The following CAST variants were observed in gnomAD, a reference collection of about 807,000 sequenced individuals.
CAST encodes MIR583 host.
A neutral mutation model predicts 119.6 loss-of-function variants in CAST; 76 were observed. That is an observed-to-expected ratio of 0.64 (90% CI 0.53 to 0.77). The LOEUF is 0.77. Among genes scored for constraint, CAST ranks in the 30% least tolerant of loss-of-function variants. The pLI is 0.00. For synonymous variants in CAST, 319 were observed against 331.6 expected, an observed-to-expected ratio of 0.96 and a Z score of 0.41; for missense variants, 953 against 946.5, an observed-to-expected ratio of 1.01 and a Z score of -0.09.
At chr5:96,053,016 T>C in the CAST span, among the ~76,000 whole-genome samples, 1 of 152,050 alleles carries the variant, frequency 6.6e-6, no homozygotes, top group African/African-American at 2.4e-5. Flanking sequence ...AGTCCTGCAG[T>C]TGGAAGGTGA....
intron 1 of CAST, among the ~76,000 whole-genome samples, chr5:96,599,983 A>AAAAAAAAT (rs6149126): frequency 6.7e-6 from 1 of 149,832 alleles, no homozygotes; most frequent in East Asian, 1.9e-4. Context: ...AAAAAAAAAA[A>AAAAAAAAT]CCCTCAAGCT....
chr5:96,732,479 T>A (rs1760758733), intron 9 of CAST, among the ~76,000 whole-genome samples: 1 of 131,542 alleles, frequency 7.6e-6, no homozygotes, highest in Admixed American at 8.2e-5. Context: ...TGGTAGTTTC[T>A]TTTGCTGTGC....
At chr5:96,701,786 C>T (rs1753928215) in intron 3 of CAST, among the ~76,000 whole-genome samples, 1 of 145,554 alleles carries the variant, frequency 6.9e-6, no homozygotes, top group Non-Finnish European at 1.5e-5. Context: ...GCCTGGGCCA[C>T]ATAGCGAGAA....
the CAST span, among the ~76,000 whole-genome samples, chr5:96,113,749 G>T: frequency 6.6e-6 from 1 of 152,216 alleles, no homozygotes; most frequent in African/African-American, 2.4e-5. Flanking sequence ...CTGCACAGGA[G>T]ACCAGAGAGC....
chr5:96,433,188 C>T, the CAST span: 14 of 775,172 alleles, frequency 1.8e-5, no homozygotes, highest in East Asian at 3.4e-4. Context: ...CTAGGAGGCG[C>T]GAGAGGAGAG....
the CAST span, chr5:96,213,220 A>G: frequency 6.6e-6 from 1 of 152,276 alleles, no homozygotes; most frequent in East Asian, 1.9e-4. Context: ...ATATTAATAT[A>G]ACTATTCCCA....
chr5:96,405,576 C>T, the CAST span, among the ~76,000 whole-genome samples: 2 of 152,128 alleles, frequency 1.3e-5, no homozygotes, highest in Admixed American at 1.3e-4. Context: ...GAGGCTGAGG[C>T]ATAAGAATTT....
chr5:96,330,110 A>C, the CAST span, among the ~76,000 whole-genome samples: 10 of 152,258 alleles, frequency 6.6e-5, no homozygotes, highest in Non-Finnish European at 1.3e-4. Context: ...TCATTACCCA[A>C]ATGGTTAGGA....
the CAST span, among the ~76,000 whole-genome samples, chr5:96,457,085 A>C: frequency 2.0e-5 from 3 of 152,178 alleles, no homozygotes; most frequent in Non-Finnish European, 4.4e-5. Context: ...GTGAGAACAG[A>C]CTAATGCTGG....
chr5:96,677,773 A>C (rs1002614015), intron 2 of CAST, among the ~76,000 whole-genome samples: 2 of 152,182 alleles, frequency 1.3e-5, no homozygotes, highest in Admixed American at 6.5e-5. Context: ...AGACAAAATA[A>C]ACATAACAGA....
chr5:96,622,229 A>G (rs1009652052), intron 1 of CAST, among the ~76,000 whole-genome samples: 4 of 151,954 alleles, frequency 2.6e-5, no homozygotes, highest in Non-Finnish European at 5.9e-5. Context: ...CGGCCTCCCA[A>G]AGTGCTGGTA....
the CAST span, among the ~76,000 whole-genome samples, chr5:96,282,118 A>T: frequency 6.7e-6 from 1 of 148,490 alleles, no homozygotes; most frequent in Admixed American, 6.7e-5. Flanking sequence ...GAAAGGTAAC[A>T]TACGCACCAC....
the CAST span, chr5:95,972,962 A>T: frequency 6.6e-6 from 1 of 152,366 alleles, no homozygotes. Flanking sequence ...TGCACATAAG[A>T]TACTTATGGA....
At chr5:96,297,934 T>C in the CAST span, among the ~76,000 whole-genome samples, 1 of 152,228 alleles carries the variant, frequency 6.6e-6, no homozygotes, top group Non-Finnish European at 1.5e-5. Flanking sequence ...TGGTCTTTTT[T>C]GTGGTGAATG....
At chr5:96,331,571 G>T in the CAST span, among the ~76,000 whole-genome samples, 16 of 152,340 alleles carry the variant, frequency 1.1e-4, no homozygotes, top group East Asian at 2.7e-3. Context: ...ATCAGCTCAT[G>T]CTGTATTGCA....
At chr5:96,616,727 TCG>T (rs1350027028) in intron 1 of CAST, among the ~76,000 whole-genome samples, 49 of 129,654 alleles carry the variant, frequency 3.8e-4, no homozygotes, top group African/African-American at 1.5e-3. Context: ...AAGCGCTCGC[TCG>T]CTCTCTCTCT....
the CAST span, among the ~76,000 whole-genome samples, chr5:96,432,337 C>CA: frequency 6.6e-6 from 1 of 152,200 alleles, no homozygotes; most frequent in Admixed American, 6.5e-5. Context: ...GGCACTCTTC[C>CA]AATGCCCTGG....
At chr5:96,242,426 C>T in the CAST span, among the ~76,000 whole-genome samples, 1,457 of 152,236 alleles carry the variant, frequency 9.6e-3, 30 homozygotes, top group African/African-American at 0.034. Context: ...CCACCATGTC[C>T]AGCTGAAATA....
chr5:96,133,471 C>G, the CAST span, among the ~76,000 whole-genome samples: 3 of 152,046 alleles, frequency 2.0e-5, no homozygotes, highest in Admixed American at 1.3e-4. Flanking sequence ...ACTGTGACAC[C>G]CTGAGGTTTT....
Sources: allele counts gnomAD v4.1 joint callset (sites outside exome capture counted in the v4.1 genomes callset), GRCh38; gene constraint gnomAD v4.1.1; transcripts MANE v1.5; gene names NCBI Gene and HGNC (gene_info 2026-07-23, HGNC 2026-07-21).